Variants in CELF4 observed in about 807,000 individuals in gnomAD.
The protein encoded by CELF4 is CUGBP Elav-like family member 4.
A neutral mutation model predicts 59.9 loss-of-function variants in CELF4; 18 were observed. The observed-to-expected ratio is 0.30, with a 90% CI of 0.21 to 0.45. The LOEUF is 0.45. CELF4 is among the 20% of genes least tolerant of loss of function. CELF4 has a pLI of 1.00. For missense variants in CELF4, 456 were observed against 689.0 expected, an observed-to-expected ratio of 0.66 and a Z score of 3.79; for synonymous variants, 261 against 267.1, an observed-to-expected ratio of 0.98 and a Z score of 0.22.
intron 2 of CELF4, among the ~76,000 whole-genome samples, chr18:37,370,658 G>A (rs1433882510): frequency 1.3e-5 from 2 of 152,120 alleles, no homozygotes; most frequent in African/African-American, 4.8e-5. Context: ...ACTTTCCGCA[G>A]GTGGCCCTCC....
chr18:37,398,058 G>A (rs1364923837), intron 2 of CELF4, among the ~76,000 whole-genome samples: 3 of 152,188 alleles, frequency 2.0e-5, no homozygotes, highest in Non-Finnish European at 4.4e-5. Context: ...GGGCTGTAAA[G>A]GGGCCCTGAG....
chr18:37,321,897 G>A lies in CELF4; in HGVS notation c.370-16C>T. 8 of 1,609,254 alleles carry A rather than the reference G, an allele frequency of 5.0e-6. No individual in the cohort carries two copies. Among genetic ancestry groups the A allele is most frequent in the Non-Finnish European group, 6.8e-6 (8 of 1,176,796 alleles). On this transcript the variant is annotated splice_polypyrimidine_tract_variant and intron_variant, in intron 2 of 12. Coordinates refer to ENST00000420428, the MANE Select transcript of CELF4 (RefSeq NM_020180.4). ...GCCGGTTCATCTGCAACAGAGCAGA[G>A]GGGGACAGCATTATAGCAGGCCTGC...
chr18:37,425,104 A>G (rs1229876896), intron 2 of CELF4, among the ~76,000 whole-genome samples: 15 of 152,214 alleles, frequency 9.9e-5, no homozygotes, highest in Non-Finnish European at 1.0e-4. Context: ...GACTCCTAGC[A>G]GGACTTTGGG....
At chr18:37,391,773 G>A (rs540936846) in intron 2 of CELF4, among the ~76,000 whole-genome samples, 4 of 152,366 alleles carry the variant, frequency 2.6e-5, no homozygotes, top group African/African-American at 9.6e-5. Flanking sequence ...CAGATGGCAG[G>A]ACACTGAGTG....
intron 3 of CELF4, among the ~76,000 whole-genome samples, chr18:37,285,914 C>G (rs938566794): frequency 1.3e-5 from 2 of 152,194 alleles, no homozygotes; most frequent in African/African-American, 4.8e-5. Flanking sequence ...CGCAGCCGAA[C>G]TCTGTTGTCT....
At chr18:37,299,077 G>T (rs1022925099) in intron 3 of CELF4, among the ~76,000 whole-genome samples, 2 of 152,222 alleles carry the variant, frequency 1.3e-5, no homozygotes, top group African/African-American at 4.8e-5. Flanking sequence ...AAGGCTAAGA[G>T]CAAGTAGGCA....
chr18:37,401,575 T>G (rs2099327272), intron 2 of CELF4, among the ~76,000 whole-genome samples: 1 of 152,098 alleles, frequency 6.6e-6, no homozygotes, highest in Non-Finnish European at 1.5e-5. Context: ...CTCTTGAGAG[T>G]GCAACCAAGA....
At chr18:37,424,475 C>A (rs1208466802) in intron 2 of CELF4, among the ~76,000 whole-genome samples, 1 of 152,202 alleles carries the variant, frequency 6.6e-6, no homozygotes, top group Non-Finnish European at 1.5e-5. Context: ...CCCCGTGTGG[C>A]CTTACAGCCT....
intron 1 of CELF4, among the ~76,000 whole-genome samples, chr18:37,524,805 C>T (rs1234572184): frequency 6.6e-6 from 1 of 152,130 alleles, no homozygotes; most frequent in Non-Finnish European, 1.5e-5. Flanking sequence ...CGCTCTACGC[C>T]CTCCGCGCCC....
intron 2 of CELF4, among the ~76,000 whole-genome samples, chr18:37,370,737 T>C (rs1452949456): frequency 2.0e-5 from 3 of 152,196 alleles, no homozygotes; most frequent in Admixed American, 6.5e-5. Context: ...CTTTTCGCAG[T>C]TGGCCCTGCT....
chr18:37,462,559 T>C (rs2099796631), intron 2 of CELF4, among the ~76,000 whole-genome samples: 1 of 152,204 alleles, frequency 6.6e-6, no homozygotes, highest in African/African-American at 2.4e-5. Flanking sequence ...GTTGTCAGCA[T>C]CCATGAGTCG....
At chr18:37,479,604 G>A (rs1003279130) in intron 2 of CELF4, among the ~76,000 whole-genome samples, 1 of 152,154 alleles carries the variant, frequency 6.6e-6, no homozygotes, top group Non-Finnish European at 1.5e-5. Flanking sequence ...TTCTCCCAAA[G>A]AGAAAGAAAA....
Position 37,253,958 on chromosome 18 carries a change from G to A in CELF4, c.1334-20C>T, listed in dbSNP as rs745920694. 3.1e-6 allele frequency: 5 copies of A among 1,592,192 alleles called. No homozygotes were observed. Among genetic ancestry groups the A allele is most frequent in the Non-Finnish European group, 4.3e-6 (5 of 1,170,180 alleles). ...CGAAGCCTGGCGAGACACGAGGGAC[G>A]AGGGCCTGGGTTTCCACGGGGCCGC... On this transcript the variant is annotated intron_variant, in intron 11 of 12. Transcript: ENST00000420428. This position sits in a 1 kb window ranked among gnomAD's most constrained non-coding sequence, Gnocchi z 4.5.
At chr18:37,521,237 C>T (rs1167376247) in intron 1 of CELF4, among the ~76,000 whole-genome samples, 3 of 152,086 alleles carry the variant, frequency 2.0e-5, no homozygotes, top group Non-Finnish European at 4.4e-5. Flanking sequence ...GAGGTCCGTG[C>T]CAAGTCTAAG....
intron 2 of CELF4, among the ~76,000 whole-genome samples, chr18:37,423,896 T>A (rs896026305): frequency 1.3e-5 from 2 of 152,064 alleles, no homozygotes; most frequent in Non-Finnish European, 2.9e-5. Context: ...AACAGATTTT[T>A]GGCCAGACTG....
At chr18:37,523,128 A>G (rs2099959517) in intron 1 of CELF4, among the ~76,000 whole-genome samples, 1 of 152,066 alleles carries the variant, frequency 6.6e-6, no homozygotes, top group Admixed American at 6.6e-5. Context: ...CTGGCTGGGC[A>G]CCCGGCTGGG....
In CELF4 at chr18:37,446,973, TTCAC is replaced by T. The variant is rs2099749857; in HGVS notation, c.369+38548_369+38551del. ...GCAAGTATAGGAGTGATTTCACTCA[TTCAC>T]TCACTCATTCATTCACCATTAAAAT... On this transcript the variant is annotated intron_variant, in intron 2 of 12. Transcript: ENST00000420428. Among the ~76,000 whole-genome samples the T allele has an allele frequency of 1.3e-5, 2 of 152,250 alleles. 1 individual carries two copies. Among genetic ancestry groups the T allele is most frequent in the South Asian group, 4.1e-4 (2 of 4,836 alleles).
At chr18:37,425,467 T>C (rs184039951) in intron 2 of CELF4, among the ~76,000 whole-genome samples, 1 of 152,214 alleles carries the variant, frequency 6.6e-6, no homozygotes, top group African/African-American at 2.4e-5. Context: ...GGCTCCCAGA[T>C]TGCCTCCTAA....
intron 1 of CELF4, among the ~76,000 whole-genome samples, chr18:37,517,750 C>T (rs2099952433): frequency 6.6e-6 from 1 of 152,176 alleles, no homozygotes; most frequent in Non-Finnish European, 1.5e-5. Context: ...ACAAAGATGG[C>T]TCCAGCTCTG....
Sources: allele counts gnomAD v4.1 joint callset (sites outside exome capture counted in the v4.1 genomes callset), GRCh38; gene constraint gnomAD v4.1.1; non-coding constraint Gnocchi (gnomAD v3.1); transcripts MANE v1.5; gene names NCBI Gene and HGNC (gene_info 2026-07-23, HGNC 2026-07-21).